Variants in RIN2 observed in about 807,000 individuals in gnomAD.
The protein encoded by RIN2 is RAB5 interacting protein 2.
A neutral mutation model predicts 78.0 loss-of-function variants in RIN2; 36 were observed. That is an observed-to-expected ratio of 0.46 (90% CI 0.35 to 0.61). The LOEUF (loss-of-function observed/expected upper bound fraction) is 0.61, where lower values mean the gene tolerates loss of function less well. Ranked by LOEUF, RIN2 falls within the 20% of genes least tolerant of loss-of-function variation. The pLI is 0.00. For missense variants in RIN2, 1,087 were observed against 1,159.7 expected, an observed-to-expected ratio of 0.94 and a Z score of 0.91; for synonymous variants, 466 against 466.8, an observed-to-expected ratio of 1.00 and a Z score of 0.02.
chr20:19,807,881 G>T (rs2035456692), intron 2 of RIN2, among the ~76,000 whole-genome samples: 1 of 152,168 alleles, frequency 6.6e-6, no homozygotes, highest in Admixed American at 6.5e-5. Context: ...GTTGGAATTT[G>T]CAGCCTTAAA....
At position 19,970,899 on chromosome 20, in the gene RIN2, C is replaced by A. The variant is rs2042083473; in HGVS notation, c.598C>A (p.Gln200Lys). Residue 200 changes from glutamine to lysine, a missense_variant, in exon 8 of 13, where the codon CAG becomes AAG. Gln to Lys is a moderately conservative substitution (Grantham distance 53, BLOSUM62 1). This residue lies in a region of RIN2 where 706 missense variants were observed against 667.5 expected (regional missense o/e 1.06). Coordinates refer to ENST00000255006, the MANE Select transcript of RIN2 (RefSeq NM_018993.4). Reference sequence around the variant, plus strand: ...CATTTCAACAGCCAAGTCGGAGGCTCAGCTTGAAGAACTGGCCCAGATGGG... The same window carrying A: ...CATTTCAACAGCCAAGTCGGAGGCTAAGCTTGAAGAACTGGCCCAGATGGG... ...YAISTAKSEA[Q>K]LEELAQMGLN... 1 of 1,613,318 alleles carries A rather than the reference C, an allele frequency of 6.2e-7. No homozygotes were observed. The highest frequency in any genetic ancestry group is 1.3e-5 in the African/African-American group (1 of 74,912).
At chr20:19,778,355 A>G (rs2034384397) in intron 1 of RIN2, among the ~76,000 whole-genome samples, 1 of 152,250 alleles carries the variant, frequency 6.6e-6, no homozygotes, top group Admixed American at 6.5e-5. Context: ...TATGTGCCCA[A>G]GTCCTTGTAA....
At chr20:19,831,068 C>T (rs1375902695) in intron 2 of RIN2, among the ~76,000 whole-genome samples, 1 of 152,134 alleles carries the variant, frequency 6.6e-6, no homozygotes, top group Non-Finnish European at 1.5e-5. Flanking sequence ...TTCTGGGAGA[C>T]CCCAACCCAT....
intron 3 of RIN2, among the ~76,000 whole-genome samples, chr20:19,921,849 GTTGTTTGTTTGTTTGT>G (rs71198035): frequency 0.051 from 7,691 of 150,606 alleles, 295 homozygotes; most frequent in Non-Finnish European, 0.079. Flanking sequence ...GGATCTGTCG[GTTGTTTGTTTGTTTGT>G]TTGTTTGTTT....
intron 10 of RIN2, among the ~76,000 whole-genome samples, chr20:19,991,816 T>A (rs2042805330): frequency 6.6e-6 from 1 of 152,232 alleles, no homozygotes; most frequent in Non-Finnish European, 1.5e-5. Flanking sequence ...AGAATTAGCA[T>A]AAGTAAATAT....
At chr20:19,848,645 C>T (rs945843706) in intron 2 of RIN2, among the ~76,000 whole-genome samples, 3 of 122,808 alleles carry the variant, frequency 2.4e-5, no homozygotes, top group East Asian at 2.7e-4. Flanking sequence ...ATCCTCTTCC[C>T]GGTTTAAGAA....
chr20:19,992,310 T>C lies in RIN2; in HGVS notation c.2200+11T>C. ...TGTTACATGGAGAAGGTAACTGCTT[T>C]TGAGAAAAGTTGAAGGAACTGGGTG... On this transcript the variant is annotated intron_variant, in intron 11 of 12. Transcript: ENST00000255006. 6.5e-7 allele frequency: 1 copy of C among 1,544,620 alleles called. No individual in the cohort carries two copies. Among genetic ancestry groups the C allele is most frequent in the Non-Finnish European group, 8.7e-7 (1 of 1,143,534 alleles).
Position 19,770,169 on chromosome 20 carries a change from A to C in RIN2, c.-163+11842A>C, listed in dbSNP as rs201147784. ...AAAAGAGCCTGGCATAAGAACTAAG[A>C]CTTCATATTTCACAAGGATTATGAT... On this transcript the variant is annotated intron_variant, in intron 1 of 12. Transcript: ENST00000255006. 9.8e-5 allele frequency among the ~76,000 whole-genome samples: 15 copies of C among 152,318 alleles called. No homozygotes were observed. The East Asian group carries it at 2.9e-3, about 29-fold the overall frequency.
At chr20:19,837,169 A>AAC (rs142399537) in intron 2 of RIN2, among the ~76,000 whole-genome samples, 14,322 of 139,996 alleles carry the variant, frequency 0.1, 744 homozygotes, top group African/African-American at 0.14. Context: ...CGCCCCCCCC[A>AAC]ACACACACAC....
At chr20:19,880,998 A>G (rs1367935973) in intron 2 of RIN2, among the ~76,000 whole-genome samples, 5 of 152,190 alleles carry the variant, frequency 3.3e-5, no homozygotes, top group Admixed American at 6.5e-5. Context: ...GTGTCCTACT[A>G]GTGACAAATA....
At chr20:19,963,167 C>T (rs1032649928) in intron 6 of RIN2, among the ~76,000 whole-genome samples, 2 of 152,150 alleles carry the variant, frequency 1.3e-5, no homozygotes, top group Admixed American at 6.6e-5. Context: ...GAGAAGCTAA[C>T]CTGCTCCAAA....
rs1218651528 is a variant in RIN2 at position 20,002,145 on chromosome 20, T to C, written c.*1209T>C. On this transcript the variant is annotated 3_prime_UTR_variant, in exon 13 of 13. Coordinates refer to ENST00000255006, the MANE Select transcript of RIN2 (RefSeq NM_018993.4). ...AATGCACAAAAAAATCAATCTACAT[T>C]ATCAGAACCTGCAGTGAAATTAAAC... 1 of 152,204 alleles carries C rather than the reference T, an allele frequency of 6.6e-6. No individual in the cohort carries two copies. The highest frequency in any genetic ancestry group is 1.9e-4 in the East Asian group (1 of 5,202). 9.4% of individuals were successfully genotyped at this position (152,204 alleles called of 1,614,324 possible). A position where few individuals can be genotyped will look rare whatever the true frequency, so the allele number is the denominator to read the frequency against.
At chr20:19,830,317 C>G (rs190672918) in intron 2 of RIN2, among the ~76,000 whole-genome samples, 51 of 152,176 alleles carry the variant, frequency 3.4e-4, no homozygotes, top group Non-Finnish European at 5.6e-4. Flanking sequence ...ACTTTTATGC[C>G]AGGCCTCAAA....
chr20:19,827,133 A>T (rs944866086), intron 2 of RIN2, among the ~76,000 whole-genome samples: 1 of 151,506 alleles, frequency 6.6e-6, no homozygotes, highest in Non-Finnish European at 1.5e-5. Flanking sequence ...GTGCTACCAT[A>T]CCTAGCTAAT....
At chr20:19,927,087 A>G (rs1239856207) in intron 3 of RIN2, among the ~76,000 whole-genome samples, 1 of 149,356 alleles carries the variant, frequency 6.7e-6, no homozygotes, top group African/African-American at 2.6e-5. Flanking sequence ...GCAGGAGGAG[A>G]TTGGACTCCG....
chr20:19,975,645 G>T lies in RIN2; in HGVS notation c.1620G>T (p.Leu540=). ...TAGTGCAGGACTACGTGAGCTTCCT[G>T]CAGGAGAACAAGGAGTGCCACGTGT... The part of the protein sequence containing the change: ...GCLVQDYVSF[L]QENKECHVSS... The change falls in exon 9 of 13, where the codon CTG becomes CTT. Residue 540 remains leucine, a synonymous_variant. Coordinates refer to ENST00000255006, the MANE Select transcript of RIN2 (RefSeq NM_018993.4). The surrounding 1 kb of genome is among the most constrained non-coding windows in gnomAD (Gnocchi z 4.9). The T allele has an allele frequency of 1.2e-6, 2 of 1,613,814 alleles. No homozygotes were observed. Among genetic ancestry groups the T allele is most frequent in the Non-Finnish European group, 1.7e-6 (2 of 1,179,892 alleles).
intron 12 of RIN2, among the ~76,000 whole-genome samples, chr20:19,997,804 C>T (rs987222025): frequency 2.0e-5 from 3 of 152,096 alleles, no homozygotes; most frequent in East Asian, 1.9e-4. Flanking sequence ...TCCTGATTTG[C>T]TCATTGTCTA....
chr20:19,990,715 G>A (rs1292150407), intron 10 of RIN2, among the ~76,000 whole-genome samples: 3 of 152,064 alleles, frequency 2.0e-5, no homozygotes, highest in East Asian at 1.9e-4. Context: ...TCATGAGGTG[G>A]GGATTAGCTG....
intron 2 of RIN2, among the ~76,000 whole-genome samples, chr20:19,871,447 A>G (rs950651873): frequency 1.1e-4 from 17 of 152,180 alleles, no homozygotes; most frequent in African/African-American, 4.1e-4. Flanking sequence ...TATATCGTGC[A>G]CCTCAGAGAT....
Sources: allele counts gnomAD v4.1 joint callset (sites outside exome capture counted in the v4.1 genomes callset), GRCh38; gene constraint gnomAD v4.1.1; regional missense constraint gnomAD v4.1.1; non-coding constraint Gnocchi (gnomAD v3.1); transcripts MANE v1.5; gene names NCBI Gene and HGNC (gene_info 2026-07-23, HGNC 2026-07-21).